The following RIMS1 variants were observed in gnomAD, a reference collection of about 807,000 sequenced individuals.
RIMS1 encodes regulating synaptic membrane exocytosis protein 1.
RIMS1 carries 83 observed loss-of-function variants against 214.1 expected under a neutral mutation model. That is an observed-to-expected ratio of 0.39 (90% CI 0.32 to 0.47). The LOEUF (loss-of-function observed/expected upper bound fraction) is 0.47, where lower values mean the gene tolerates loss of function less well. Ranked by LOEUF, RIMS1 falls within the 20% of genes least tolerant of loss-of-function variation. The pLI is 0.99. For synonymous variants in RIMS1, 793 were observed against 786.8 expected (o/e 1.01, Z -0.13); for missense variants, 2,050 against 2,161.8 (o/e 0.95, Z 1.03).
At chr6:71,896,214 T>C (rs1365401612) in intron 1 of RIMS1, among the ~76,000 whole-genome samples, 2 of 152,208 alleles carry the variant, frequency 1.3e-5, no homozygotes, top group African/African-American at 4.8e-5. Flanking sequence ...TTCATAAAAG[T>C]GTAATTTTGA....
chr6:71,995,678 A>G (rs891094833), intron 2 of RIMS1, among the ~76,000 whole-genome samples: 1 of 152,062 alleles, frequency 6.6e-6, no homozygotes, highest in Non-Finnish European at 1.5e-5. Context: ...TTCTGGTAAG[A>G]GCTCTGTTAC....
At chr6:72,031,632 A>G (rs575137443) in intron 2 of RIMS1, among the ~76,000 whole-genome samples, 99 of 152,266 alleles carry the variant, frequency 6.5e-4, no homozygotes, top group African/African-American at 2.3e-3. Flanking sequence ...AAACAAACCT[A>G]CGGCATTATG....
At chr6:71,976,869 A>C (rs1334206521) in intron 2 of RIMS1, among the ~76,000 whole-genome samples, 13 of 152,146 alleles carry the variant, frequency 8.5e-5, no homozygotes, top group Admixed American at 8.5e-4. Context: ...TTTCTTATTT[A>C]TAATCACATC....
At chr6:72,157,139 A>G (rs1480869253) in intron 4 of RIMS1, among the ~76,000 whole-genome samples, 4 of 140,890 alleles carry the variant, frequency 2.8e-5, no homozygotes, top group African/African-American at 9.8e-5. Flanking sequence ...TGTCTTCAGA[A>G]TGTCCATGAT....
chr6:72,162,803 C>G lies in RIMS1; in HGVS notation c.472-16772C>G, dbSNP rs570623907. Reference sequence around the variant, plus strand: ...CCTTTGTGGGTAACCTGACCTTTCTCTCTGGCTGCCCTTAACATTTTTTCC... The same window carrying G: ...CCTTTGTGGGTAACCTGACCTTTCTGTCTGGCTGCCCTTAACATTTTTTCC... On this transcript the variant is annotated intron_variant, in intron 4 of 33. Coordinates refer to ENST00000521978, the MANE Select transcript of RIMS1 (RefSeq NM_014989.7). 1.6e-4 allele frequency among the ~76,000 whole-genome samples: 23 copies of G among 140,426 alleles called. 2 individuals carry two copies. The South Asian group carries it at 4.7e-3, about 29-fold the overall frequency. The allele number at this position is 140,426 out of a possible 152,430, so 92.1% of individuals were successfully genotyped here.
At chr6:72,260,042 G>A (rs1190560963) in intron 18 of RIMS1, among the ~76,000 whole-genome samples, 3 of 152,102 alleles carry the variant, frequency 2.0e-5, no homozygotes, top group African/African-American at 4.8e-5. Context: ...GAGCTGCTCT[G>A]AGGAATAGGA....
At chr6:72,291,885 C>A in intron 25 of RIMS1, 49 bp from the exon 26 acceptor site, 4 of 1,380,276 alleles carry the variant, frequency 2.9e-6, no homozygotes, top group Non-Finnish European at 4.0e-6. Context: ...TTTTGTCAGA[C>A]CACATTGGAA....
chr6:72,036,897 C>T (rs912255080), intron 2 of RIMS1, among the ~76,000 whole-genome samples: 11 of 152,152 alleles, frequency 7.2e-5, no homozygotes, highest in South Asian at 2.1e-4. Flanking sequence ...GAGGTATAAC[C>T]TCCACTTTGC....
chr6:71,943,581 G>A (rs1006734072), intron 1 of RIMS1, among the ~76,000 whole-genome samples: 2 of 152,152 alleles, frequency 1.3e-5, no homozygotes, highest in African/African-American at 4.8e-5. Context: ...TAATGATGCA[G>A]TGATTCTGTA....
chr6:72,013,739 C>T (rs1443677443), intron 2 of RIMS1, among the ~76,000 whole-genome samples: 1 of 152,178 alleles, frequency 6.6e-6, no homozygotes, highest in Non-Finnish European at 1.5e-5. Flanking sequence ...ATATAATCTA[C>T]ATACTATAAA....
intron 6 of RIMS1, among the ~76,000 whole-genome samples, chr6:72,185,462 T>C (rs190055184): frequency 6.6e-6 from 1 of 152,194 alleles, no homozygotes; most frequent in East Asian, 1.9e-4. Flanking sequence ...GTTCTAAATA[T>C]AGATTCCAGA....
At position 72,171,478 on chromosome 6, in the gene RIMS1, A is replaced by T. The variant is rs377358742; in HGVS notation, c.472-8097A>T. Among the ~76,000 whole-genome samples the T allele has an allele frequency of 3.3e-5, 5 of 152,192 alleles. No homozygotes were observed. The South Asian group carries it at 8.3e-4, about 25-fold the overall frequency. ...ATAGCCCCCCCGAACCTTTCTGATA[A>T]TGATAAAATAACCATTATAATGCTG... On this transcript the variant is annotated intron_variant, in intron 4 of 33. Transcript: ENST00000521978.
At chr6:71,971,105 G>A (rs1332831461) in intron 2 of RIMS1, among the ~76,000 whole-genome samples, 1 of 152,050 alleles carries the variant, frequency 6.6e-6, no homozygotes, top group African/African-American at 2.4e-5. Flanking sequence ...TTCTCTATAT[G>A]GTAACTGTGT....
chr6:72,182,197 G>T (rs2048500857), intron 5 of RIMS1, 87 bp from the exon 6 acceptor site: 7 of 1,372,070 alleles, frequency 5.1e-6, no homozygotes, highest in Non-Finnish European at 5.9e-6. Context: ...TAACTGAAAT[G>T]ATTTAAGACT....
chr6:72,264,882 G>A (rs2079712624), intron 19 of RIMS1, 93 bp from the exon 20 acceptor site: 1 of 732,160 alleles, frequency 1.4e-6, no homozygotes, highest in Non-Finnish European at 2.3e-6. Flanking sequence ...TATCTATATA[G>A]CTTTATAGGC....
At chr6:72,073,758 T>C (rs1831126935) in intron 2 of RIMS1, among the ~76,000 whole-genome samples, 2 of 152,178 alleles carry the variant, frequency 1.3e-5, no homozygotes, top group Admixed American at 6.5e-5. Flanking sequence ...CAGTTCTGCC[T>C]TTATCTATGT....
At chr6:72,159,524 T>C (rs1399610722) in intron 4 of RIMS1, among the ~76,000 whole-genome samples, 1 of 141,262 alleles carries the variant, frequency 7.1e-6, no homozygotes, top group East Asian at 2.0e-4. Flanking sequence ...TGGTTCTAGG[T>C]CTAACATTTA....
chr6:72,368,095 C>A (rs1435300073), intron 29 of RIMS1, among the ~76,000 whole-genome samples: 1 of 152,040 alleles, frequency 6.6e-6, no homozygotes, highest in Non-Finnish European at 1.5e-5. Flanking sequence ...TAAAAGGAAT[C>A]TTAACATCTA....
intron 29 of RIMS1, among the ~76,000 whole-genome samples, chr6:72,359,058 A>G (rs953154585): frequency 2.0e-5 from 3 of 152,174 alleles, no homozygotes; most frequent in South Asian, 2.1e-4. Context: ...TTAGAAAGCA[A>G]TGTTCTGTGT....
Sources: gnomAD v4.1 joint callset for allele counts (sites outside exome capture counted in the v4.1 genomes callset) on GRCh38, gnomAD v4.1.1 for gene constraint, MANE v1.5 for transcripts, NCBI Gene and HGNC (gene_info 2026-07-23, HGNC 2026-07-21) for gene names.